The following CCP110 variants were observed in gnomAD, a reference collection of about 807,000 sequenced individuals.
The protein encoded by CCP110 is centriolar coiled-coil protein 110.
In CCP110, 43 loss-of-function variants were observed where a neutral mutation model predicts 105.5. The ratio of observed to expected loss-of-function variants is 0.41; its 90% confidence interval spans 0.32 to 0.53. The LOEUF (loss-of-function observed/expected upper bound fraction) is 0.53, where lower values mean the gene tolerates loss of function less well. Ranked by LOEUF, CCP110 falls within the 20% of genes least tolerant of loss-of-function variation. The pLI, the probability that CCP110 is intolerant of heterozygous loss-of-function variation, is 0.32. For missense variants in CCP110, 1,016 were observed against 1,189.1 expected (o/e 0.85, Z 2.14); for synonymous variants, 353 against 392.1 (o/e 0.90, Z 1.18).
At chr16:19,536,932 G>T (rs370549471) in exon 4 of CCP110, 1 of 1,614,170 alleles carries the variant, frequency 6.2e-7, no homozygotes, top group East Asian at 2.2e-5. Context: ...ACACAAATGT[G>T]CCCGAAATTA....
chr16:19,538,931 G>A (rs990978611), intron 4 of CCP110, among the ~76,000 whole-genome samples: 7 of 151,774 alleles, frequency 4.6e-5, no homozygotes, highest in African/African-American at 1.7e-4. Context: ...GACAAACATG[G>A]CGAAACCCCG....
chr16:19,536,696 G>A, exon 4 of CCP110: 1 of 1,614,140 alleles, frequency 6.2e-7, no homozygotes, highest in Non-Finnish European at 8.5e-7. Flanking sequence ...TGATTTTAAA[G>A]TTATTCCCAC....
chr16:19,535,930 C>A lies in CCP110; in HGVS notation c.271-10C>A. The A allele has an allele frequency of 6.6e-7, 1 of 1,505,678 alleles. No homozygotes were observed. Among genetic ancestry groups the A allele is most frequent in the Non-Finnish European group, 8.9e-7 (1 of 1,123,234 alleles). 93.3% of individuals were successfully genotyped at this position (1,505,678 alleles called of 1,614,324 possible). On this transcript the variant is annotated splice_polypyrimidine_tract_variant and intron_variant, in intron 3 of 14. Transcript: ENST00000381396. ...TGAGGAAATATTAATTTTTAAATTT[C>A]CTGTTTCAGGTTAGAAAAGCACCTA...
At position 19,548,671 on chromosome 16, in the gene CCP110, C is replaced by G. The variant is rs1567367751; in HGVS notation, c.2986+71C>G. ...GCACAAGCTGCCCCATAACTCAGGC[C>G]ATAGAAGTGGAATAGATTGTCTTTC... On this transcript the variant is annotated intron_variant, in intron 14 of 14. Coordinates refer to ENST00000381396, the Ensembl canonical transcript of CCP110. This position sits in a 1 kb window ranked among gnomAD's most constrained non-coding sequence, Gnocchi z 4.1. The G allele has an allele frequency of 4.3e-6, 4 of 930,966 alleles. No homozygotes were observed. In the East Asian group the frequency reaches 7.9e-5, roughly 18 times the overall value. The allele number at this position is 930,966 out of a possible 1,614,324, so 57.7% of individuals were successfully genotyped here. A position where few individuals can be genotyped will look rare whatever the true frequency, so the allele number is the denominator to read the frequency against.
chr16:19,532,829 C>T (rs1415440533), intron 3 of CCP110, among the ~76,000 whole-genome samples: 1 of 152,268 alleles, frequency 6.6e-6, no homozygotes, highest in Non-Finnish European at 1.5e-5. Flanking sequence ...ACATTGAATT[C>T]TCAGTGACAA....
exon 12 of CCP110, chr16:19,546,454 A>G: frequency 6.3e-7 from 1 of 1,590,210 alleles, no homozygotes; most frequent in East Asian, 2.2e-5. Context: ...TTCTGGTTAA[A>G]CAAAATCCTT....
rs748210923 is a variant in CCP110 at position 19,550,130 on chromosome 16, A to G, written c.2987-1066A>G. Among the ~76,000 whole-genome samples, 3 of 152,080 alleles carry G rather than the reference A, an allele frequency of 2.0e-5. No homozygotes were observed. The East Asian group carries it at 5.8e-4, about 29-fold the overall frequency. On this transcript the variant is annotated intron_variant, in intron 14 of 14. Transcript: ENST00000381396. ...TTATACATGAGTGCATATTTAGACA[A>G]TTGAAAGAAACTAAATAATTGTGTT...
At position 19,548,332 on chromosome 16, in the gene CCP110, G is replaced by A. The variant is rs954766422; in HGVS notation, c.2901-183G>A. 5 of 583,544 alleles carry A rather than the reference G, an allele frequency of 8.6e-6. No individual in the cohort carries two copies. Among genetic ancestry groups the A allele is most frequent in the South Asian group, 2.3e-5 (1 of 43,546 alleles). The allele number at this position is 583,544 out of a possible 1,614,324, so 36.1% of individuals were successfully genotyped here. On this transcript the variant is annotated intron_variant, in intron 13 of 14. Coordinates refer to ENST00000381396, the Ensembl canonical transcript of CCP110. The surrounding 1 kb of genome is among the most constrained non-coding windows in gnomAD (Gnocchi z 4.1). ...GTGATTCTCCAACAGAGTATGACTC[G>A]TGCTTATAGTCTCCTGCTGAAGCCA...
chr16:19,543,532 C>T (rs1467342754), intron 8 of CCP110, among the ~76,000 whole-genome samples: 1 of 152,126 alleles, frequency 6.6e-6, no homozygotes, highest in Admixed American at 6.5e-5. Flanking sequence ...TTTCAGGGAA[C>T]AAGGGAAGAC....
intron 14 of CCP110, among the ~76,000 whole-genome samples, chr16:19,550,337 G>C (rs1370605194): frequency 1.3e-5 from 2 of 152,078 alleles, no homozygotes; most frequent in Non-Finnish European, 2.9e-5. Flanking sequence ...ATTTTTAGTA[G>C]AGATGGGGTT....
rs769362440 is a variant in CCP110 at position 19,541,880 on chromosome 16, T to C, written c.2050-7T>C. 2 of 1,556,938 alleles carry C rather than the reference T, an allele frequency of 1.3e-6. No homozygotes were observed. The highest frequency in any genetic ancestry group is 2.4e-5 in the South Asian group (2 of 82,946). The stretch of plus-strand genomic sequence containing the variant: ...TTAGCATGTTACAATAAACTGTTCA[T>C]GTATAGGAAATAGAAGAGCAGGAGA... On this transcript the variant is annotated splice_region_variant and splice_polypyrimidine_tract_variant and intron_variant, in intron 5 of 14. Coordinates refer to ENST00000381396, the Ensembl canonical transcript of CCP110.
chr16:19,541,573 C>A, intron 5 of CCP110, among the ~76,000 whole-genome samples: 1 of 151,186 alleles, frequency 6.6e-6, no homozygotes, highest in Non-Finnish European at 1.5e-5. Context: ...TTGCAGTGAA[C>A]CGAGATCGTG....
At chr16:19,551,237 G>A (rs1356299324) in exon 15 of CCP110, 1 of 1,612,522 alleles carries the variant, frequency 6.2e-7, no homozygotes, top group Non-Finnish European at 8.5e-7. Flanking sequence ...GCCAAATGTT[G>A]CGACAATTTA....
chr16:19,536,046 G>C, exon 4 of CCP110: 1 of 1,614,000 alleles, frequency 6.2e-7, no homozygotes, highest in Non-Finnish European at 8.5e-7. Context: ...TTTCCAAATA[G>C]CTTTCCAAGC....
chr16:19,525,871 A>C (rs1394355054), intron 1 of CCP110: 1 of 152,632 alleles, frequency 6.6e-6, no homozygotes, highest in Non-Finnish European at 1.5e-5. Flanking sequence ...GGTAAGTGCT[A>C]TGAAAATTGG....
At chr16:19,551,265 A>G in exon 15 of CCP110, 1 of 1,601,944 alleles carries the variant, frequency 6.2e-7, no homozygotes. Context: ...AACATTCATT[A>G]GGATAAAATG....
chr16:19,535,678 G>A (rs534012141), intron 3 of CCP110, among the ~76,000 whole-genome samples: 263 of 152,124 alleles, frequency 1.7e-3, no homozygotes, highest in African/African-American at 5.5e-3. Flanking sequence ...GTTCATATTT[G>A]TATCAGATTA....
intron 2 of CCP110, among the ~76,000 whole-genome samples, chr16:19,530,846 C>T (rs953031826): frequency 2.6e-5 from 4 of 151,374 alleles, no homozygotes; most frequent in Admixed American, 6.6e-5. Context: ...CCCAGCTGTG[C>T]GTTAGGCCGA....
intron 8 of CCP110, 83 bp from the exon 9 acceptor site, chr16:19,544,714 G>T: frequency 1.3e-6 from 1 of 741,930 alleles, no homozygotes; most frequent in South Asian, 1.7e-5. Context: ...ATTTTGGATT[G>T]ACTGAGAAAA....
Sources: allele counts gnomAD v4.1 joint callset (sites outside exome capture counted in the v4.1 genomes callset), GRCh38; gene constraint gnomAD v4.1.1; non-coding constraint Gnocchi (gnomAD v3.1); transcripts MANE v1.5; gene names NCBI Gene and HGNC (gene_info 2026-07-23, HGNC 2026-07-21).